COXFA4: variants seen among roughly 807,000 people sequenced by gnomAD.
COXFA4 encodes cytochrome c oxidase associated subunit FA4, also known as cytochrome c oxidase subunit FA4.
At chr7:10,932,786 A>G in the COXFA4 span, 2 of 152,286 alleles carry the variant, frequency 1.3e-5, no homozygotes, top group African/African-American at 2.4e-5. Flanking sequence ...CCTGGGCAAC[A>G]TGGCAAAACC....
the COXFA4 span, chr7:10,938,914 T>C: frequency 2.5e-6 from 4 of 1,582,966 alleles, no homozygotes; most frequent in African/African-American, 1.3e-5. Context: ...AAACACAAAA[T>C]AGAATAACCA....
chr7:10,935,635 G>A, the COXFA4 span, among the ~76,000 whole-genome samples: 1 of 152,246 alleles, frequency 6.6e-6, no homozygotes, highest in Non-Finnish European at 1.5e-5. Flanking sequence ...GCCTTTACAG[G>A]AGGGCTCACT....
At chr7:10,934,500 T>C in the COXFA4 span, among the ~76,000 whole-genome samples, 4,295 of 151,790 alleles carry the variant, frequency 0.028, 203 homozygotes, top group African/African-American at 0.099. Flanking sequence ...AAGGCTAAAA[T>C]CTTGGGTTTA....
the COXFA4 span, chr7:10,939,882 C>T: frequency 1.0e-6 from 1 of 1,001,524 alleles, no homozygotes; most frequent in Admixed American, 1.7e-5. Flanking sequence ...AGATGACAAA[C>T]ACTAGGCGAG....
At chr7:10,932,823 T>G in the COXFA4 span, 1 of 151,740 alleles carries the variant, frequency 6.6e-6, no homozygotes, top group Non-Finnish European at 1.5e-5. Flanking sequence ...TTACAAAAAT[T>G]AACTGGGCAT....
chr7:10,934,285 A>G, the COXFA4 span, among the ~76,000 whole-genome samples: 1 of 152,078 alleles, frequency 6.6e-6, no homozygotes, highest in Middle Eastern at 3.4e-3. Flanking sequence ...TGGCTTTTAA[A>G]TAATACGGTA....
the COXFA4 span, among the ~76,000 whole-genome samples, chr7:10,935,882 G>T: frequency 6.6e-6 from 1 of 152,298 alleles, no homozygotes; most frequent in Non-Finnish European, 1.5e-5. Context: ...TATGCTGATT[G>T]CTCCATATTT....
chr7:10,936,823 GC>G, the COXFA4 span, among the ~76,000 whole-genome samples: 28 of 152,230 alleles, frequency 1.8e-4, no homozygotes, highest in African/African-American at 6.5e-4. Context: ...TCAACTTGAA[GC>G]CAGGGGTTCA....
the COXFA4 span, chr7:10,933,484 C>G: frequency 1.7e-6 from 1 of 597,774 alleles, no homozygotes; most frequent in East Asian, 2.9e-5. Context: ...TTGATTTAAT[C>G]ATTGTAATCT....
At chr7:10,932,167 T>A in the COXFA4 span, 1 of 150,438 alleles carries the variant, frequency 6.6e-6, no homozygotes, top group Non-Finnish European at 1.5e-5. Context: ...AAGAGTGCTT[T>A]TTGTCTGTAG....
the COXFA4 span, chr7:10,938,951 ACG>A: frequency 2.3e-6 from 3 of 1,288,970 alleles, no homozygotes; most frequent in Non-Finnish European, 3.4e-6. Flanking sequence ...ACACTGGCCA[ACG>A]AGAGATTACA....
At chr7:10,938,188 C>T in the COXFA4 span, 14 of 1,550,096 alleles carry the variant, frequency 9.0e-6, no homozygotes, top group Admixed American at 1.7e-5. Context: ...AATAATAAAG[C>T]ACTATTTAGT....
chr7:10,933,792 A>T, the COXFA4 span: 1 of 793,826 alleles, frequency 1.3e-6, no homozygotes, highest in Non-Finnish European at 2.1e-6. Flanking sequence ...AGTAACAATT[A>T]CAGATATGAA....
chr7:10,938,306 G>T, the COXFA4 span: 1 of 633,042 alleles, frequency 1.6e-6, no homozygotes, highest in Non-Finnish European at 2.7e-6. Flanking sequence ...TCTATAATAA[G>T]CAATCTCATG....
chr7:10,937,261 T>G, the COXFA4 span, among the ~76,000 whole-genome samples: 1 of 149,920 alleles, frequency 6.7e-6, no homozygotes, highest in Admixed American at 6.6e-5. Context: ...TGGTATGGTA[T>G]CTTAATGAAG....
At chr7:10,932,077 T>C in the COXFA4 span, 1 of 152,170 alleles carries the variant, frequency 6.6e-6, no homozygotes, top group African/African-American at 2.4e-5. Flanking sequence ...TCAACAGAGG[T>C]AGGAATGAAG....
chr7:10,936,997 C>G, the COXFA4 span, among the ~76,000 whole-genome samples: 2 of 152,108 alleles, frequency 1.3e-5, no homozygotes, highest in South Asian at 4.1e-4. Context: ...GATAATGGCA[C>G]TGCACTCCAG....
At chr7:10,936,733 G>T in the COXFA4 span, among the ~76,000 whole-genome samples, 1 of 152,128 alleles carries the variant, frequency 6.6e-6, no homozygotes, top group Non-Finnish European at 1.5e-5. Flanking sequence ...CACAAAGGGT[G>T]ATGTTAAAAG....
the COXFA4 span, chr7:10,939,035 T>A: frequency 3.0e-6 from 2 of 656,840 alleles, no homozygotes; most frequent in Middle Eastern, 2.5e-4. Flanking sequence ...TTAAATAAAG[T>A]AGATCTTACA....
Sources: allele counts gnomAD v4.1 joint callset (sites outside exome capture counted in the v4.1 genomes callset), GRCh38; gene constraint gnomAD v4.1.1; transcripts MANE v1.5; gene names NCBI Gene and HGNC (gene_info 2026-07-23, HGNC 2026-07-21).